SRP54: variants seen among roughly 807,000 people sequenced by gnomAD.
SRP54 encodes the protein signal recognition particle subunit SRP54.
SRP54 carries 10 observed loss-of-function variants against 64.8 expected under a neutral mutation model. The observed-to-expected ratio is 0.15, with a 90% CI of 0.10 to 0.26. The LOEUF (loss-of-function observed/expected upper bound fraction) is 0.26, where lower values mean the gene tolerates loss of function less well. Among genes scored for constraint, SRP54 ranks in the 10% least tolerant of loss-of-function variants. The probability of loss-of-function intolerance (pLI) is 1.00; values close to 1 mark genes in which losing one functional copy is unlikely to be tolerated. For missense variants in SRP54, 325 were observed against 613.7 expected, an observed-to-expected ratio of 0.53 and a Z score of 4.97; for synonymous variants, 193 against 185.6, an observed-to-expected ratio of 1.04 and a Z score of -0.32.
At chr14:34,998,634 A>G (rs2044107455) in intron 2 of SRP54, among the ~76,000 whole-genome samples, 1 of 151,978 alleles carries the variant, frequency 6.6e-6, no homozygotes, top group East Asian at 1.9e-4. Context: ...CAACATAGTG[A>G]AACTCCATCT....
Position 35,028,120 on chromosome 14 carries a change from C to G in SRP54, c.1360C>G (p.Gln454Glu). The change falls in exon 15 of 16, where the codon CAG becomes GAG. Residue 454 changes from glutamine to glutamate, a missense_variant. This residue lies in a region of SRP54 where 146 missense variants were observed against 337.4 expected (regional missense o/e 0.43). Transcript: ENST00000216774. ...CATGTCTAAGAATGTGAGCCAGTCA[C>G]AGATGGCAAAATTGAACCAACAAAT... ...GDMSKNVSQS[Q>E]MAKLNQQMAK... The G allele has an allele frequency of 6.2e-7, 1 of 1,612,946 alleles. No individual in the cohort carries two copies. The highest frequency in any genetic ancestry group is 8.5e-7 in the Non-Finnish European group (1 of 1,179,506).
intron 1 of SRP54, among the ~76,000 whole-genome samples, chr14:34,986,062 T>C (rs2138955072): frequency 6.6e-6 from 1 of 152,306 alleles, no homozygotes; most frequent in South Asian, 2.1e-4. Context: ...GTTGACCTCA[T>C]AGCCAGAAAG....
chr14:35,012,887 G>C (rs1343901483), intron 8 of SRP54, among the ~76,000 whole-genome samples: 1 of 150,318 alleles, frequency 6.7e-6, no homozygotes, highest in Non-Finnish European at 1.5e-5. Flanking sequence ...ATAATACATA[G>C]TACTTCAACA....
intron 2 of SRP54, among the ~76,000 whole-genome samples, chr14:34,998,777 C>T (rs2044112987): frequency 6.6e-6 from 1 of 151,060 alleles, no homozygotes; most frequent in Non-Finnish European, 1.5e-5. Context: ...CACGCCATTG[C>T]ACTCCAGCCT....
chr14:35,028,096 A>G lies in SRP54; in HGVS notation c.1336A>G (p.Met446Val), dbSNP rs1268646280. The G allele has an allele frequency of 6.2e-7, 1 of 1,609,498 alleles. No homozygotes were observed. Among genetic ancestry groups the G allele is most frequent in the East Asian group, 2.2e-5 (1 of 44,818 alleles). The change falls in exon 15 of 16, where the codon ATG becomes GTG. Residue 446 changes from methionine (M) to valine (V), a missense_variant. Coordinates refer to ENST00000216774, the MANE Select transcript of SRP54 (RefSeq NM_003136.4). ...GIKGLFKGGD[M>V]SKNVSQSQMA... ...TTTTTTTTTCCCCTCAGGTGGCGAC[A>G]TGTCTAAGAATGTGAGCCAGTCACA...
At chr14:35,007,487 G>T in intron 5 of SRP54, 100 bp downstream of exon 5, 1 of 370,746 alleles carries the variant, frequency 2.7e-6, no homozygotes, top group Non-Finnish European at 4.5e-6. Context: ...GCTTTATAAT[G>T]TTGAAATATA....
intron 14 of SRP54, among the ~76,000 whole-genome samples, chr14:35,025,860 T>C (rs952390019): frequency 1.3e-5 from 2 of 152,166 alleles, no homozygotes; most frequent in Non-Finnish European, 2.9e-5. Context: ...ATTTTATAAA[T>C]GCTTCTGAGA....
intron 13 of SRP54, among the ~76,000 whole-genome samples, chr14:35,021,056 A>G (rs1282250825): frequency 6.6e-6 from 1 of 152,222 alleles, no homozygotes; most frequent in Non-Finnish European, 1.5e-5. Context: ...ATCTTTTATA[A>G]GGAAGATGTG....
intron 4 of SRP54, among the ~76,000 whole-genome samples, chr14:35,004,277 A>G: frequency 6.6e-6 from 1 of 152,168 alleles, no homozygotes. Flanking sequence ...ACTTGTATCT[A>G]TCATCTGTCT....
At chr14:34,986,612 G>A (rs1194603351) in intron 1 of SRP54, among the ~76,000 whole-genome samples, 2 of 152,190 alleles carry the variant, frequency 1.3e-5, no homozygotes, top group African/African-American at 4.8e-5. Flanking sequence ...GGTCGTGGTG[G>A]CTCACGCCTG....
intron 11 of SRP54, among the ~76,000 whole-genome samples, chr14:35,016,098 T>C (rs372956567): frequency 6.6e-6 from 1 of 152,106 alleles, no homozygotes; most frequent in Non-Finnish European, 1.5e-5. Context: ...CTCCTAAATA[T>C]CTCCATTCCA....
chr14:35,008,614 T>C lies in SRP54; in HGVS notation c.361-13T>C, dbSNP rs776757966. The C allele has an allele frequency of 5.3e-6, 8 of 1,514,720 alleles. No homozygotes were observed. Among genetic ancestry groups the C allele is most frequent in the Non-Finnish European group, 7.1e-6 (8 of 1,127,060 alleles). 93.8% of individuals were successfully genotyped at this position (1,514,720 alleles called of 1,614,324 possible). A position where few individuals can be genotyped will look rare whatever the true frequency, so the allele number is the denominator to read the frequency against. On this transcript the variant is annotated splice_polypyrimidine_tract_variant and intron_variant, in intron 5 of 15. Coordinates refer to ENST00000216774, the MANE Select transcript of SRP54 (RefSeq NM_003136.4). ...TTTTATGATATTATATTTTTAAATC[T>C]TTTCTCACCCAGCTAGCATATTATT... is the stretch of plus-strand genomic sequence containing the variant.
In SRP54 at chr14:34,996,703, T is replaced by A; in HGVS notation, c.-7T>A. The A allele has an allele frequency of 6.2e-7, 1 of 1,606,280 alleles. No homozygotes were observed. The highest frequency in any genetic ancestry group is 8.5e-7 in the Non-Finnish European group (1 of 1,172,948). The stretch of plus-strand genomic sequence containing the variant: ...GTTCTTCGTAAGTACATCTTAAAGC[T>A]GTCAAGATGGTTCTAGCAGACCTTG... On this transcript the variant is annotated 5_prime_UTR_variant, in exon 2 of 16. Transcript: ENST00000216774.
At chr14:34,989,382 C>T (rs2043950421) in intron 1 of SRP54, among the ~76,000 whole-genome samples, 1 of 151,932 alleles carries the variant, frequency 6.6e-6, no homozygotes, top group African/African-American at 2.4e-5. Flanking sequence ...TGGTGGGCAC[C>T]TGTAATCCTA....
intron 1 of SRP54, among the ~76,000 whole-genome samples, chr14:34,995,480 T>G (rs2044058209): frequency 1.3e-5 from 2 of 152,106 alleles, no homozygotes; most frequent in Non-Finnish European, 1.5e-5. Flanking sequence ...TCTCTCTTAG[T>G]GTTTATTTTA....
At chr14:34,983,843 A>G (rs1340861700) in intron 1 of SRP54, among the ~76,000 whole-genome samples, 1 of 152,218 alleles carries the variant, frequency 6.6e-6, no homozygotes, top group East Asian at 1.9e-4. Flanking sequence ...TAACGCACAT[A>G]AATACACATT....
At chr14:35,000,907 C>T in intron 3 of SRP54, 29 bp from the exon 4 acceptor site, 2 of 1,373,954 alleles carry the variant, frequency 1.5e-6, no homozygotes, top group South Asian at 1.4e-5. Context: ...TTCTCCTCCC[C>T]ACCCCAATCA....
At chr14:35,020,358 A>AC (rs2044508606) in intron 13 of SRP54, among the ~76,000 whole-genome samples, 1 of 152,134 alleles carries the variant, frequency 6.6e-6, no homozygotes. Flanking sequence ...ATTTCTTAAA[A>AC]CACAAGAATG....
At chr14:35,001,912 T>G (rs900361101) in intron 4 of SRP54, among the ~76,000 whole-genome samples, 1 of 151,990 alleles carries the variant, frequency 6.6e-6, no homozygotes, top group African/African-American at 2.4e-5. Context: ...TTAAAAAAAT[T>G]ATTTTAGTCC....
Sources: gnomAD v4.1 joint callset for allele counts (sites outside exome capture counted in the v4.1 genomes callset) on GRCh38, gnomAD v4.1.1 for gene constraint, gnomAD v4.1.1 regional missense constraint, MANE v1.5 for transcripts, NCBI Gene and HGNC (gene_info 2026-07-23, HGNC 2026-07-21) for gene names.